Variants in KCNIP4 observed in about 807,000 individuals in gnomAD.
KCNIP4 encodes Kv channel-interacting protein 4.
Under a neutral mutation model 34.0 loss-of-function variants are expected in KCNIP4, and 12 were observed. That is an observed-to-expected ratio of 0.35 (90% CI 0.23 to 0.57). The LOEUF is 0.57. Ranked by LOEUF, KCNIP4 falls within the 20% of genes least tolerant of loss-of-function variation. The pLI is 0.83. For synonymous variants in KCNIP4, 124 were observed against 102.2 expected, an observed-to-expected ratio of 1.21 and a Z score of -1.29; for missense variants, 238 against 311.7, an observed-to-expected ratio of 0.76 and a Z score of 1.78.
At position 21,684,316 on chromosome 4, in the gene KCNIP4, G is replaced by A. The variant is rs551617639; in HGVS notation, c.61+264255C>T. 1.8e-4 allele frequency among the ~76,000 whole-genome samples: 27 copies of A among 152,154 alleles called. 1 individual carries two copies. The South Asian group carries it at 2.5e-3, about 14-fold the overall frequency. ...TAAATTCTGAGAGGGTAGTCTTTGTGCATTGGTCAAATTGATATACCTACT... is the reference window on the plus strand; with the variant it reads ...TAAATTCTGAGAGGGTAGTCTTTGTACATTGGTCAAATTGATATACCTACT... On this transcript the variant is annotated intron_variant, in intron 1 of 8. Coordinates refer to ENST00000382152, the MANE Select transcript of KCNIP4 (RefSeq NM_025221.6).
rs530242615 is a variant in KCNIP4 at position 20,855,120 on chromosome 4, T to C, written c.164-4453A>G. ...TCCTGGCCCAAGTAACATCTGGTAA[T>C]ATCTGCACATTTGCCCTAGGGTCAT... On this transcript the variant is annotated intron_variant, in intron 2 of 8. Coordinates refer to ENST00000382152, the MANE Select transcript of KCNIP4 (RefSeq NM_025221.6). Among the ~76,000 whole-genome samples, 15 of 152,292 alleles carry C rather than the reference T, an allele frequency of 9.8e-5. No homozygotes were observed. In the South Asian group the frequency reaches 1.9e-3, roughly 19 times the overall value.
chr4:21,350,332 A>C (rs1220507212), intron 1 of KCNIP4, among the ~76,000 whole-genome samples: 1 of 152,144 alleles, frequency 6.6e-6, no homozygotes, highest in African/African-American at 2.4e-5. Flanking sequence ...AAAAGCATTT[A>C]ATTACTAAGT....
chr4:21,690,461 T>C (rs1350354477), intron 1 of KCNIP4, among the ~76,000 whole-genome samples: 1 of 152,084 alleles, frequency 6.6e-6, no homozygotes, highest in East Asian at 1.9e-4. Context: ...CTCCCCAGTG[T>C]AATGAGTTAC....
At chr4:21,572,918 C>T (rs1027871448) in intron 1 of KCNIP4, among the ~76,000 whole-genome samples, 1 of 152,146 alleles carries the variant, frequency 6.6e-6, no homozygotes, top group Non-Finnish European at 1.5e-5. Flanking sequence ...TGAGCCATTC[C>T]ACCTGGTCTC....
intron 1 of KCNIP4, among the ~76,000 whole-genome samples, chr4:21,296,850 G>T (rs1052053338): frequency 6.6e-6 from 1 of 152,016 alleles, no homozygotes; most frequent in East Asian, 2.0e-4. Flanking sequence ...AAACAGAGAG[G>T]TAAGGGCAGA....
At chr4:21,658,585 T>G (rs777040127) in intron 1 of KCNIP4, among the ~76,000 whole-genome samples, 8 of 152,120 alleles carry the variant, frequency 5.3e-5, no homozygotes, top group Non-Finnish European at 1.0e-4. Flanking sequence ...ATATTTTTAG[T>G]AGAGACGGGG....
At chr4:20,881,824 A>G (rs1724719717) in intron 2 of KCNIP4, among the ~76,000 whole-genome samples, 1 of 152,168 alleles carries the variant, frequency 6.6e-6, no homozygotes, top group Admixed American at 6.6e-5. Context: ...AGCATAGATT[A>G]CCCTGAATAA....
At chr4:21,479,368 G>T (rs1259780424) in intron 1 of KCNIP4, among the ~76,000 whole-genome samples, 1 of 152,204 alleles carries the variant, frequency 6.6e-6, no homozygotes, top group African/African-American at 2.4e-5. Context: ...GCATAACTCT[G>T]TGGGAAAGTG....
intron 1 of KCNIP4, among the ~76,000 whole-genome samples, chr4:21,376,400 T>TTC (rs61454435): frequency 0.88 from 133,884 of 152,050 alleles, 59,081 homozygotes; most frequent in Non-Finnish European, 0.9. Context: ...CATAAAGCAT[T>TTC]GCCAGCCCCG....
intron 1 of KCNIP4, among the ~76,000 whole-genome samples, chr4:20,976,899 T>C (rs1735546542): frequency 6.6e-6 from 1 of 152,082 alleles, no homozygotes; most frequent in Non-Finnish European, 1.5e-5. Context: ...AGTGGTGTGA[T>C]CTTGGATCAC....
chr4:21,347,516 T>G (rs1302292858), intron 1 of KCNIP4, among the ~76,000 whole-genome samples: 1 of 152,170 alleles, frequency 6.6e-6, no homozygotes, highest in Non-Finnish European at 1.5e-5. Flanking sequence ...TGTAGCTCCT[T>G]GTGATGTGAA....
intron 1 of KCNIP4, among the ~76,000 whole-genome samples, chr4:21,832,697 G>A (rs360690): frequency 0.86 from 117,153 of 136,638 alleles, 50,507 homozygotes; most frequent in Admixed American, 0.89. Context: ...CCACTAACTC[G>A]TCATCTAGCA....
intron 1 of KCNIP4, among the ~76,000 whole-genome samples, chr4:21,725,635 G>T (rs1374314492): frequency 1.3e-5 from 2 of 152,014 alleles, no homozygotes; most frequent in Admixed American, 6.6e-5. Context: ...TTATTATTTT[G>T]ATATTCTACC....
intron 1 of KCNIP4, among the ~76,000 whole-genome samples, chr4:21,476,152 G>C (rs1730947695): frequency 6.6e-6 from 1 of 152,160 alleles, no homozygotes; most frequent in Non-Finnish European, 1.5e-5. Context: ...CTTCGCTCAA[G>C]AGTCAAAATA....
At chr4:20,795,047 A>C (rs917600800) in intron 3 of KCNIP4, among the ~76,000 whole-genome samples, 1 of 152,154 alleles carries the variant, frequency 6.6e-6, no homozygotes, top group Non-Finnish European at 1.5e-5. Flanking sequence ...CTTGATTTTA[A>C]CCGGGTTGAA....
intron 1 of KCNIP4, among the ~76,000 whole-genome samples, chr4:21,735,401 C>A (rs184481554): frequency 2.2e-4 from 33 of 152,174 alleles, no homozygotes; most frequent in African/African-American, 7.0e-4. Context: ...TCATTGCATC[C>A]TAATTATTTT....
chr4:21,306,288 G>A (rs2109258866), intron 1 of KCNIP4, among the ~76,000 whole-genome samples: 1 of 152,290 alleles, frequency 6.6e-6, no homozygotes, highest in South Asian at 2.1e-4. Flanking sequence ...GGCTTTAAAT[G>A]AATTAAAAAT....
chr4:21,144,567 G>A (rs1483458883), intron 1 of KCNIP4, among the ~76,000 whole-genome samples: 1 of 152,140 alleles, frequency 6.6e-6, no homozygotes, highest in African/African-American at 2.4e-5. Flanking sequence ...AGAGCACACA[G>A]TGCTGGAGTC....
intron 1 of KCNIP4, among the ~76,000 whole-genome samples, chr4:21,731,919 G>A (rs1035630275): frequency 4.6e-5 from 7 of 152,068 alleles, no homozygotes; most frequent in Admixed American, 3.3e-4. Flanking sequence ...AAAGGGCAGG[G>A]CTCAATGAGA....
Sources: gnomAD v4.1 joint callset for allele counts (sites outside exome capture counted in the v4.1 genomes callset) on GRCh38, gnomAD v4.1.1 for gene constraint, MANE v1.5 for transcripts, NCBI Gene and HGNC (gene_info 2026-07-23, HGNC 2026-07-21) for gene names.